DLG2: variants seen among roughly 807,000 people sequenced by gnomAD.
DLG2 encodes the protein disks large homolog 2.
A neutral mutation model predicts 132.5 loss-of-function variants in DLG2; 45 were observed. The observed-to-expected ratio is 0.34, with a 90% CI of 0.27 to 0.44. The LOEUF (loss-of-function observed/expected upper bound fraction) is 0.44, where lower values mean the gene tolerates loss of function less well. Among genes scored for constraint, DLG2 ranks in the 20% least tolerant of loss-of-function variants. DLG2 has a pLI of 1.00. For missense variants in DLG2, 1,045 were observed against 1,196.9 expected, an observed-to-expected ratio of 0.87 and a Z score of 1.87; for synonymous variants, 424 against 419.6, an observed-to-expected ratio of 1.01 and a Z score of -0.13.
chr11:84,496,147 GT>G (rs1162738276), intron 7 of DLG2, among the ~76,000 whole-genome samples: 3 of 152,108 alleles, frequency 2.0e-5, no homozygotes, highest in Admixed American at 2.0e-4. Context: ...AAGTTCCTGG[GT>G]GGATGAAGGC....
intron 6 of DLG2, among the ~76,000 whole-genome samples, chr11:84,757,018 C>T (rs377180611): frequency 1.3e-5 from 2 of 152,132 alleles, no homozygotes; most frequent in African/African-American, 2.4e-5. Context: ...TATCAACATC[C>T]TCAATCCTTA....
At chr11:85,004,488 T>C (rs543963107) in intron 6 of DLG2, among the ~76,000 whole-genome samples, 90 of 152,362 alleles carry the variant, frequency 5.9e-4, no homozygotes, top group African/African-American at 2.1e-3. Context: ...GGGCTTTTTT[T>C]CGTATGTTTG....
chr11:84,438,149 A>G (rs939254186), intron 7 of DLG2, among the ~76,000 whole-genome samples: 2 of 152,180 alleles, frequency 1.3e-5, no homozygotes, highest in Admixed American at 6.5e-5. Context: ...AAACACAAGC[A>G]TCCTTCTCTT....
chr11:85,388,468 G>C (rs566354947), intron 3 of DLG2, among the ~76,000 whole-genome samples: 62 of 152,192 alleles, frequency 4.1e-4, no homozygotes, highest in African/African-American at 1.5e-3. Context: ...CCTAGGAAAA[G>C]CTTGTGTCCT....
chr11:84,266,789 T>C (rs2097643553), intron 7 of DLG2, among the ~76,000 whole-genome samples: 1 of 152,220 alleles, frequency 6.6e-6, no homozygotes, highest in African/African-American at 2.4e-5. Flanking sequence ...AGAATTTATC[T>C]GAGGCAAGAA....
At chr11:84,602,378 A>C (rs1448014541) in intron 6 of DLG2, among the ~76,000 whole-genome samples, 1 of 151,968 alleles carries the variant, frequency 6.6e-6, no homozygotes, top group East Asian at 1.9e-4. Context: ...TAAAGGTATT[A>C]AGTAACAGAA....
intron 6 of DLG2, among the ~76,000 whole-genome samples, chr11:84,735,245 T>A (rs962486787): frequency 6.6e-6 from 1 of 152,180 alleles, no homozygotes; most frequent in African/African-American, 2.4e-5. Context: ...CTGGTAGAAT[T>A]TGGCTGTGAA....
At position 84,596,190 on chromosome 11, in the gene DLG2, GTCTC is replaced by G. The variant is rs59824224; in HGVS notation, c.358-61463_358-61460del. Among the ~76,000 whole-genome samples, 681 of 144,760 alleles carry G rather than the reference GTCTC, an allele frequency of 4.7e-3. 5 individuals carry two copies. Among genetic ancestry groups the G allele is most frequent in the African/African-American group, 0.015 (574 of 39,050 alleles). 95.0% of individuals were successfully genotyped at this position (144,760 alleles called of 152,430 possible). A position where few individuals can be genotyped will look rare whatever the true frequency, so the allele number is the denominator to read the frequency against. On this transcript the variant is annotated intron_variant, in intron 6 of 27. Transcript: ENST00000376104. Reference sequence around the variant, plus strand: ...TGAAATTTCTTTCCTTCTTTTCTCTGTCTCTCTCTCTCTCTCTCTCTCTCTCTCT... The same window carrying G: ...TGAAATTTCTTTCCTTCTTTTCTCTGTCTCTCTCTCTCTCTCTCTCTCTCT...
At chr11:84,774,448 A>T (rs1486928086) in intron 6 of DLG2, among the ~76,000 whole-genome samples, 2 of 152,130 alleles carry the variant, frequency 1.3e-5, no homozygotes, top group East Asian at 3.9e-4. Context: ...AGACTATTCT[A>T]AAATCCATAT....
intron 2 of DLG2, among the ~76,000 whole-genome samples, chr11:85,608,432 A>T (rs527358891): frequency 6.6e-5 from 10 of 152,178 alleles, no homozygotes; most frequent in African/African-American, 9.7e-5. Context: ...CTTTTCTGTA[A>T]GATGGAATGC....
rs546334367 is a variant in DLG2 at position 84,769,323 on chromosome 11, T to C, written c.358-234592A>G. 3.3e-5 allele frequency among the ~76,000 whole-genome samples: 5 copies of C among 152,228 alleles called. No homozygotes were observed. In the East Asian group the frequency reaches 9.7e-4, roughly 29 times the overall value. ...GTTCTTCTGGAATTAAAAAACTCACTTAAGGAATTTTAAAATACAATTGAA... is the reference window on the plus strand; with the variant it reads ...GTTCTTCTGGAATTAAAAAACTCACCTAAGGAATTTTAAAATACAATTGAA... On this transcript the variant is annotated intron_variant, in intron 6 of 27. Transcript: ENST00000376104.
In DLG2 at chr11:83,718,235, G is replaced by A. The variant is rs534718923; in HGVS notation, c.1825+68455C>T. Among the ~76,000 whole-genome samples, 135 of 152,202 alleles carry A rather than the reference G, an allele frequency of 8.9e-4. No individual in the cohort carries two copies. In the Middle Eastern group the frequency reaches 0.017, roughly 19 times the overall value. ...GCAGGACTTAAAACTGGGCTTCTAA[G>A]GTCATTAAGAGTTTGTTAAGGCCAG... On this transcript the variant is annotated intron_variant, in intron 18 of 27. Coordinates refer to ENST00000376104, the MANE Select transcript of DLG2 (RefSeq NM_001142699.3).
intron 4 of DLG2, among the ~76,000 whole-genome samples, chr11:85,219,999 A>G (rs537994076): frequency 6.6e-6 from 1 of 151,934 alleles, no homozygotes; most frequent in Non-Finnish European, 1.5e-5. Context: ...CTTAATTTGG[A>G]GAGTTTATTC....
At chr11:84,908,716 T>A (rs2091785765) in intron 6 of DLG2, among the ~76,000 whole-genome samples, 1 of 151,618 alleles carries the variant, frequency 6.6e-6, no homozygotes, top group African/African-American at 2.4e-5. Flanking sequence ...TTGAATCAGA[T>A]TTTTTTTATG....
At chr11:85,514,647 C>T (rs893077971) in intron 3 of DLG2, among the ~76,000 whole-genome samples, 2 of 151,880 alleles carry the variant, frequency 1.3e-5, no homozygotes, top group Non-Finnish European at 2.9e-5. Context: ...ATTTTTACAA[C>T]TTGTTTTCTC....
chr11:84,155,591 G>A (rs2095412624), intron 9 of DLG2, among the ~76,000 whole-genome samples: 1 of 151,768 alleles, frequency 6.6e-6, no homozygotes, highest in Admixed American at 6.6e-5. Flanking sequence ...TTAGTGGGCA[G>A]ATGTCTTGGG....
chr11:83,996,464 C>T (rs992620067), intron 11 of DLG2, among the ~76,000 whole-genome samples: 3 of 152,142 alleles, frequency 2.0e-5, no homozygotes, highest in Admixed American at 6.6e-5. Context: ...AGCGATCCTA[C>T]TTATGGCTAC....
intron 7 of DLG2, among the ~76,000 whole-genome samples, chr11:84,441,040 T>TA (rs1449563957): frequency 1.3e-5 from 2 of 152,134 alleles, no homozygotes; most frequent in African/African-American, 2.4e-5. Flanking sequence ...TAAGTTAATG[T>TA]AAAAAATTAA....
intron 21 of DLG2, among the ~76,000 whole-genome samples, chr11:83,500,098 A>G (rs550605761): frequency 1.3e-5 from 2 of 151,446 alleles, no homozygotes; most frequent in East Asian, 2.0e-4. Flanking sequence ...TGCCTTCCTC[A>G]TGCCCCTTCG....
Sources: allele counts gnomAD v4.1 joint callset (sites outside exome capture counted in the v4.1 genomes callset), GRCh38; gene constraint gnomAD v4.1.1; transcripts MANE v1.5; gene names NCBI Gene and HGNC (gene_info 2026-07-23, HGNC 2026-07-21).